EIF2D: variants seen among roughly 807,000 people sequenced by gnomAD.
EIF2D encodes the protein hepatocellular carcinoma-associated antigen 56.
Under a neutral mutation model 77.4 loss-of-function variants are expected in EIF2D, and 56 were observed. The observed-to-expected ratio is 0.72, with a 90% CI of 0.58 to 0.90. The LOEUF (loss-of-function observed/expected upper bound fraction) is 0.90. Among genes scored for constraint, EIF2D ranks in the 40% least tolerant of loss-of-function variants. The pLI, the probability that EIF2D is intolerant of heterozygous loss-of-function variation, is 0.00. For synonymous variants in EIF2D, 230 were observed against 271.0 expected (o/e 0.85, Z 1.49); for missense variants, 574 against 706.5 (o/e 0.81, Z 2.13).
Position 206,603,011 on chromosome 1 carries a change from G to A in EIF2D, c.724C>T (p.Pro242Ser), listed in dbSNP as rs1293435754. The change falls in exon 6 of 15, where the codon CCA becomes TCA. Residue 242 changes from proline (P) to serine (S), a missense_variant. By Grantham distance (74) the Pro-to-Ser change is moderately conservative. Transcript: ENST00000271764. Reference sequence around the variant, plus strand: ...AGGCCCCTGGTGCTGGTGTCTTCTGGGGCTTCTGAGAGAGACTTGTCTTCA... The same window carrying A: ...AGGCCCCTGGTGCTGGTGTCTTCTGAGGCTTCTGAGAGAGACTTGTCTTCA... ...AREDKSLSEA[P>S]EDTSTRGLNQ... is the part of the protein sequence containing the mutation. 5 of 1,613,906 alleles carry A rather than the reference G, an allele frequency of 3.1e-6. No individual in the cohort carries two copies. The highest frequency in any genetic ancestry group is 3.4e-6 in the Non-Finnish European group (4 of 1,180,004).
Position 206,603,111 on chromosome 1 carries a change from G to C in EIF2D, c.624C>G (p.Asp208Glu). Residue 208 changes from aspartate to glutamate, a missense_variant, in exon 6 of 15, where the codon GAC becomes GAG. By Grantham distance (45) the Asp-to-Glu change is conservative. Transcript: ENST00000271764. ...GCCTCATGTCTCCCTGCAGGGTGGA[G>C]TCCATCTGGACAGACCCCTTCTCTT... ...LSEEKGSVQM[D>E]STLQGDMRHM... 1 of 1,614,170 alleles carries C rather than the reference G, an allele frequency of 6.2e-7. No individual in the cohort carries two copies. Among genetic ancestry groups the C allele is most frequent in the Non-Finnish European group, 8.5e-7 (1 of 1,180,028 alleles).
At position 206,602,958 on chromosome 1, in the gene EIF2D, C is replaced by A. The variant is rs782480263; in HGVS notation, c.777G>T (p.Thr259=). Residue 259 remains threonine (T), a synonymous_variant, in exon 6 of 15, where the codon ACG becomes ACT. Coordinates refer to ENST00000271764, the MANE Select transcript of EIF2D (RefSeq NM_006893.3). ...GLNQDSTDSK[T]LQEQMDELLQ... is the part of the protein sequence containing the mutation. Reference sequence around the variant, plus strand: ...CTCCTCCTAGAGTTATACCTTGAAGCGTTTTGCTATCTGTGGAGTCTTGGT... The same window carrying A: ...CTCCTCCTAGAGTTATACCTTGAAGAGTTTTGCTATCTGTGGAGTCTTGGT... 1.9e-6 allele frequency: 3 copies of A among 1,614,002 alleles called. No individual in the cohort carries two copies. Among genetic ancestry groups the A allele is most frequent in the Admixed American group, 1.7e-5 (1 of 60,008 alleles).
chr1:206,598,858 C>G, intron 11 of EIF2D, 145 bp downstream of exon 11: 2 of 733,780 alleles, frequency 2.7e-6, no homozygotes, highest in South Asian at 1.8e-5. Flanking sequence ...TGTCCACAGC[C>G]CATGGTTTGG....
intron 4 of EIF2D, 108 bp from the exon 5 acceptor site, chr1:206,605,615 G>A (rs983819912): frequency 3.3e-6 from 3 of 922,560 alleles, no homozygotes; most frequent in Middle Eastern, 2.1e-4. Flanking sequence ...TTACCAATTC[G>A]AAGGTCTTGT....
At chr1:206,594,512 G>A (rs564278479) in intron 13 of EIF2D, 1 of 152,334 alleles carries the variant, frequency 6.6e-6, no homozygotes, top group East Asian at 1.9e-4. Context: ...AGATAGTAAA[G>A]TGTATTACTA....
rs576513609 is a variant in EIF2D at position 206,583,283 on chromosome 1, T to C, written c.139-2121A>G. ...GTCTCTTCCAGAATGTCTGTAAACC[T>C]GTGGAGGAGACACAGCGCCCGCCCA... is the stretch of plus-strand genomic sequence containing the variant. On this transcript the variant is annotated intron_variant and NMD_transcript_variant, in intron 2 of 5. Coordinates refer to the EIF2D transcript ENST00000472709. 58 of 1,612,182 alleles carry C rather than the reference T, an allele frequency of 3.6e-5. 2 individuals carry two copies. The South Asian group carries it at 5.9e-4, about 16-fold the overall frequency.
intron 14 of EIF2D, 46 bp downstream of exon 14, chr1:206,593,573 T>C: frequency 6.6e-7 from 1 of 1,514,800 alleles, no homozygotes; most frequent in South Asian, 1.2e-5. Flanking sequence ...AGGAAGGTCT[T>C]TGCTGAGCTA....
intron 7 of EIF2D, chr1:206,601,164 A>T (rs1669902413): frequency 6.6e-6 from 1 of 152,186 alleles, no homozygotes. Flanking sequence ...ATCCCTCCAC[A>T]CACTCCAGAC....
chr1:206,587,338 G>T, downstream of EIF2D: 2 of 329,168 alleles, frequency 6.1e-6, no homozygotes, highest in South Asian at 2.5e-5. Context: ...TTAGAGCTGT[G>T]TGTTCTTTCT....
At chr1:206,609,543 T>C in intron 2 of EIF2D, 84 bp from the exon 3 acceptor site, 1 of 1,087,200 alleles carries the variant, frequency 9.2e-7, no homozygotes, top group Non-Finnish European at 1.4e-6. Flanking sequence ...TATGGTCACT[T>C]TAATTAGAAT....
At chr1:206,595,913 C>T in intron 12 of EIF2D, 75 bp from the exon 13 acceptor site, 2 of 1,577,624 alleles carry the variant, frequency 1.3e-6, no homozygotes, top group Non-Finnish European at 1.7e-6. Flanking sequence ...TACCAGCAGG[C>T]AGTTAGGTGT....
intron 14 of EIF2D, 109 bp downstream of exon 14, chr1:206,593,510 T>TGTGTGTGTGC (rs1553409375): frequency 0.028 from 7,639 of 276,610 alleles, 54 homozygotes; most frequent in East Asian, 0.044. Flanking sequence ...AGAGAGAGAG[T>TGTGTGTGTGC]GTGTGTGTGT....
rs551026599 is a variant in EIF2D at position 206,607,363 on chromosome 1, C to A, written c.422+873G>T. 2.0e-3 allele frequency among the ~76,000 whole-genome samples: 306 copies of A among 152,282 alleles called. 1 individual carries two copies. Among genetic ancestry groups the A allele is most frequent in the Non-Finnish European group, 3.2e-3 (216 of 68,016 alleles). ...GTAGGACAATGACAAGAAGGACACA[C>A]ATCAAAATGATAATGGTTATTTCTA... On this transcript the variant is annotated intron_variant, in intron 4 of 14. Coordinates refer to ENST00000271764, the MANE Select transcript of EIF2D (RefSeq NM_006893.3).
intron 2 of EIF2D, 59 bp downstream of exon 2, chr1:206,611,123 GAA>G: frequency 6.8e-7 from 1 of 1,462,764 alleles, no homozygotes; most frequent in Non-Finnish European, 9.3e-7. Context: ...GAAACAGAGA[GAA>G]GCAGATGTTA....
chr1:206,601,104 C>G (rs1250168852), intron 7 of EIF2D: 2 of 152,110 alleles, frequency 1.3e-5, no homozygotes, highest in Non-Finnish European at 2.9e-5. Context: ...ATTCTGGGGC[C>G]CCTTTACCAT....
rs1553407276 is a variant in EIF2D at position 206,584,842 on chromosome 1, CAGGGAG to C, written c.139-3686_139-3681del. 9 of 766,238 alleles carry C rather than the reference CAGGGAG, an allele frequency of 1.2e-5. No homozygotes were observed. Among genetic ancestry groups the C allele is most frequent in the Admixed American group, 2.8e-5 (1 of 35,580 alleles). The allele number at this position is 766,238 out of a possible 1,614,324, so 47.5% of individuals were successfully genotyped here. A position where few individuals can be genotyped will look rare whatever the true frequency, so the allele number is the denominator to read the frequency against. ...GGTGTTCAGATCTGTGGAATCCGGGCAGGGAGGCAAGAGCAGAGTCCCTGACTCTGC... is the reference window on the plus strand; with the variant it reads ...GGTGTTCAGATCTGTGGAATCCGGGCGCAAGAGCAGAGTCCCTGACTCTGC... On this transcript the variant is annotated intron_variant and NMD_transcript_variant, in intron 2 of 5. Transcript: ENST00000472709. The surrounding 1 kb of genome is among the most constrained non-coding windows in gnomAD (Gnocchi z 4.9).
chr1:206,573,857 T>C (rs549166567), intron 4 of EIF2D, among the ~76,000 whole-genome samples: 1 of 152,094 alleles, frequency 6.6e-6, no homozygotes, highest in South Asian at 2.1e-4. Context: ...AAAAACAAAA[T>C]AGAAATCGGA....
At chr1:206,593,534 TG>T in intron 14 of EIF2D, 84 bp downstream of exon 14, 1 of 980,978 alleles carries the variant, frequency 1.0e-6, no homozygotes, top group Non-Finnish European at 1.6e-6. Flanking sequence ...TGTGTGTGTG[TG>T]TGTGTGTATT....
chr1:206,593,480 AGAGAGAGC>A (rs1295084451), intron 14 of EIF2D, 131 bp downstream of exon 14: 4 of 503,636 alleles, frequency 7.9e-6, no homozygotes, highest in Non-Finnish European at 1.3e-5. Flanking sequence ...AGAGAGAGAG[AGAGAGAGC>A]GAGAGAGAGA....
Sources: allele counts gnomAD v4.1 joint callset (sites outside exome capture counted in the v4.1 genomes callset), GRCh38; gene constraint gnomAD v4.1.1; non-coding constraint Gnocchi (gnomAD v3.1); transcripts MANE v1.5; gene names NCBI Gene and HGNC (gene_info 2026-07-23, HGNC 2026-07-21).